Variants in DPEP2 observed in about 807,000 individuals in gnomAD.
DPEP2 encodes the protein dipeptidase 2.
In DPEP2, 45 loss-of-function variants were observed where a neutral mutation model predicts 51.8. The ratio of observed to expected loss-of-function variants is 0.87; its 90% CI spans 0.68 to 1.11. The LOEUF (loss-of-function observed/expected upper bound fraction) is 1.11. Ranked by LOEUF, DPEP2 falls within the 50% of genes most tolerant of loss-of-function variation. The probability of loss-of-function intolerance (pLI) is 0.00; values close to 1 mark genes in which losing one functional copy is unlikely to be tolerated. For synonymous variants in DPEP2, 255 were observed against 262.7 expected, an observed-to-expected ratio of 0.97 and a Z score of 0.28; for missense variants, 604 against 631.9, an observed-to-expected ratio of 0.96 and a Z score of 0.47.
intron 1 of DPEP2, among the ~76,000 whole-genome samples, chr16:67,996,358 AT>A (rs2032695923): frequency 6.6e-6 from 1 of 151,046 alleles, no homozygotes; most frequent in Non-Finnish European, 1.5e-5. Flanking sequence ...AACTTTTTGA[AT>A]TTTTTTTCTT....
intron 1 of DPEP2, chr16:67,994,040 AG>A: frequency 1.0e-6 from 1 of 985,624 alleles, no homozygotes; most frequent in South Asian, 4.7e-5. Context: ...ATGAGAGCGC[AG>A]CAAGCATCTG....
At chr16:67,990,792 T>C in intron 7 of DPEP2, 29 bp downstream of exon 7, 1 of 1,596,650 alleles carries the variant, frequency 6.3e-7, no homozygotes, top group Non-Finnish European at 8.6e-7. Flanking sequence ...ACCTCTTGCT[T>C]TAGGTTCCTG....
intron 1 of DPEP2, among the ~76,000 whole-genome samples, chr16:67,996,831 A>G (rs1326324335): frequency 6.6e-6 from 1 of 151,380 alleles, no homozygotes; most frequent in Non-Finnish European, 1.5e-5. Context: ...AGACAACACA[A>G]TTTTCCATGA....
Position 67,991,370 on chromosome 16 carries a change from C to CT in DPEP2, c.663-187dup, listed in dbSNP as rs918452974. Among the ~76,000 whole-genome samples, 2,523 of 137,394 alleles carry CT rather than the reference C, an allele frequency of 0.018. 71 individuals carry two copies. The highest frequency in any genetic ancestry group is 0.054 in the African/African-American group (2,030 of 37,404). The allele number at this position is 137,394 out of a possible 152,430, so 90.1% of individuals were successfully genotyped here. ...TGGGTCCAGTCTTTTTTTTCCTTTT[C>CT]TTTTTTTTTTTTTTTTGGCAATAGA... is the stretch of plus-strand genomic sequence containing the variant. On this transcript the variant is annotated intron_variant, in intron 5 of 10. Coordinates refer to ENST00000393847, the MANE Select transcript of DPEP2 (RefSeq NM_022355.4). This position sits in a 1 kb window ranked among gnomAD's most constrained non-coding sequence, Gnocchi z 5.1.
intron 1 of DPEP2, among the ~76,000 whole-genome samples, chr16:67,995,288 G>A (rs1324043379): frequency 6.6e-6 from 1 of 151,904 alleles, no homozygotes; most frequent in Non-Finnish European, 1.5e-5. Context: ...TTCAAGTGAT[G>A]ATCTCACCTT....
intron 8 of DPEP2, 124 bp from the exon 9 acceptor site, chr16:67,989,522 G>A (rs2031856496): frequency 5.2e-6 from 5 of 957,096 alleles, no homozygotes; most frequent in Non-Finnish European, 8.1e-6. Flanking sequence ...TTCCTTTATG[G>A]CCTGCCACAT....
At position 67,992,955 on chromosome 16, in the gene DPEP2, C is replaced by T. The variant is rs1383031211; in HGVS notation, c.258G>A (p.Val86=). Residue 86 remains valine, a synonymous_variant, in exon 2 of 11, where the codon GTG becomes GTA. Coordinates refer to ENST00000393847, the MANE Select transcript of DPEP2 (RefSeq NM_022355.4). ...ARALMRDFPL[V]DGHNDLPLVL... Reference sequence around the variant, plus strand: ...CCCTTGCAGCAATTACGCACCCGTCCACGAGCGGGAAGTCCCGCATCAGGG... The same window carrying T: ...CCCTTGCAGCAATTACGCACCCGTCTACGAGCGGGAAGTCCCGCATCAGGG... 1.2e-6 allele frequency: 2 copies of T among 1,610,784 alleles called. No individual in the cohort carries two copies. The highest frequency in any genetic ancestry group is 1.1e-5 in the South Asian group (1 of 90,766).
Position 67,988,393 on chromosome 16 carries a change from AAAAG to A in DPEP2, c.1071-410_1071-407del, listed in dbSNP as rs746468101. On this transcript the variant is annotated intron_variant, in intron 9 of 10. Coordinates refer to ENST00000393847, the MANE Select transcript of DPEP2 (RefSeq NM_022355.4). ...AACCCAATCTCTACTAAAAAGACAAAAAAGAAAGAAAGAAAGAAAGGAAAGAAAG... is the reference window on the plus strand; with the variant it reads ...AACCCAATCTCTACTAAAAAGACAAAAAAGAAAGAAAGAAAGGAAAGAAAG... Among the ~76,000 whole-genome samples, 169 of 150,120 alleles carry A rather than the reference AAAAG, an allele frequency of 1.1e-3. 1 individual carries two copies. Among genetic ancestry groups the A allele is most frequent in the Admixed American group, 2.4e-3 (36 of 15,152 alleles).
intron 1 of DPEP2, chr16:67,993,480 G>C: frequency 8.1e-7 from 1 of 1,230,578 alleles, no homozygotes; most frequent in Non-Finnish European, 1.0e-6. Flanking sequence ...CCCTGTCCTG[G>C]GCGCCCACTC....
In DPEP2 at chr16:67,993,196, A is replaced by T. The variant is rs2032410020; in HGVS notation, c.17T>A (p.Leu6His). MQPSG[L>H]EGPGTFGRWP... ...CCGACCAAACGTGCCGGGACCCTCGAGGCCGGAGGGCTGCATGTTGTGCAG... is the reference window on the plus strand; with the variant it reads ...CCGACCAAACGTGCCGGGACCCTCGTGGCCGGAGGGCTGCATGTTGTGCAG... The change falls in exon 2 of 11, where the codon CTC (leucine) becomes CAC (histidine). Residue 6 changes from leucine to histidine, a missense_variant. Physicochemically the swap from Leu to His is moderately conservative, Grantham distance 99. Transcript: ENST00000393847. 1 of 1,474,440 alleles carries T rather than the reference A, an allele frequency of 6.8e-7. No individual in the cohort carries two copies. Among genetic ancestry groups the T allele is most frequent in the East Asian group, 2.5e-5 (1 of 40,284 alleles). 91.3% of individuals were successfully genotyped at this position (1,474,440 alleles called of 1,614,324 possible). A position where few individuals can be genotyped will look rare whatever the true frequency, so the allele number is the denominator to read the frequency against.
chr16:67,993,557 G>C (rs933272721), intron 1 of DPEP2: 22 of 1,054,350 alleles, frequency 2.1e-5, no homozygotes, highest in Non-Finnish European at 1.9e-5. Context: ...GGCCGACCCA[G>C]GTGGCTCCTC....
intron 7 of DPEP2, among the ~76,000 whole-genome samples, chr16:67,990,525 G>C (rs187896072): frequency 6.6e-6 from 1 of 152,050 alleles, no homozygotes; most frequent in Non-Finnish European, 1.5e-5. Flanking sequence ...GTGCTGTGGC[G>C]TGATCTTGGC....
Position 67,992,598 on chromosome 16 carries a change from T to C in DPEP2, c.302A>G (p.Gln101Arg). Residue 101 changes from glutamine to arginine, a missense_variant, in exon 3 of 11, where the codon CAG becomes CGG. By Grantham distance (43) the Gln-to-Arg change is conservative. Coordinates refer to ENST00000393847, the MANE Select transcript of DPEP2 (RefSeq NM_022355.4). ...CAGGTTAACATCCTGTAGCCCTTTC[T>C]GGTAAACCTGCCTTAGGACCAGGGG... The part of the protein sequence containing the change: ...DLPLVLRQVY[Q>R]KGLQDVNLRN... 6.2e-7 allele frequency: 1 copy of C among 1,614,144 alleles called. No individual in the cohort carries two copies.
At chr16:67,990,205 T>A in intron 7 of DPEP2, 74 bp from the exon 8 acceptor site, 1 of 1,434,550 alleles carries the variant, frequency 7.0e-7, no homozygotes, top group African/African-American at 1.4e-5. Context: ...ACCCTCTGGA[T>A]CCCTGGAGAG....
chr16:67,999,074 T>C lies in DPEP2; in HGVS notation c.-46+301A>G, dbSNP rs558365048. Among the ~76,000 whole-genome samples, 4 of 152,298 alleles carry C rather than the reference T, an allele frequency of 2.6e-5. No homozygotes were observed. The East Asian group carries it at 7.7e-4, about 29-fold the overall frequency. On this transcript the variant is annotated intron_variant, in intron 1 of 10. Coordinates refer to ENST00000393847, the MANE Select transcript of DPEP2 (RefSeq NM_022355.4). ...TACCTGTTCTGGTCCCCTTCCACAC[T>C]GTGGAAGCTTTGTTCTTTTGCTCTT...
chr16:67,993,457 C>T (rs539755209), intron 1 of DPEP2, 200 bp from the exon 2 acceptor site: 3 of 1,247,632 alleles, frequency 2.4e-6, no homozygotes, highest in Admixed American at 3.9e-5. Context: ...GCGCTCCCGC[C>T]GGCTGGGCGG....
upstream of DPEP2, among the ~76,000 whole-genome samples, chr16:67,999,960 GC>G (rs1036245391): frequency 6.6e-6 from 1 of 152,128 alleles, no homozygotes; most frequent in African/African-American, 2.4e-5. Context: ...TTCTTCCGTG[GC>G]TTCTCATTGC....
rs76898487 is a variant in DPEP2, at chr16:67,992,583, T to G, written c.317A>C (p.Asp106Ala). The G allele has an allele frequency of 3.9e-3, 6,259 of 1,614,130 alleles. 232 individuals are homozygous for G. In the Admixed American group the frequency reaches 0.067, roughly 17 times the overall value. The change falls in exon 3 of 11, where the codon GAT becomes GCT. Residue 106 changes from aspartate (D) to alanine (A), a missense_variant. Asp to Ala is a moderately radical substitution (Grantham distance 126). Coordinates refer to ENST00000393847, the MANE Select transcript of DPEP2 (RefSeq NM_022355.4). The part of the protein sequence containing the change: ...LRQVYQKGLQ[D>A]VNLRNFSYGQ... ...GTAGCTGAAATTGCGCAGGTTAACA[T>G]CCTGTAGCCCTTTCTGGTAAACCTG... is the stretch of plus-strand genomic sequence containing the variant.
intron 9 of DPEP2, among the ~76,000 whole-genome samples, chr16:67,988,851 G>T (rs1567441769): frequency 6.6e-6 from 1 of 152,138 alleles, no homozygotes; most frequent in South Asian, 2.1e-4. Context: ...AGTCAAGGCT[G>T]CAGTGAGCCA....
Sources: allele counts gnomAD v4.1 joint callset (sites outside exome capture counted in the v4.1 genomes callset), GRCh38; gene constraint gnomAD v4.1.1; non-coding constraint Gnocchi (gnomAD v3.1); transcripts MANE v1.5; gene names NCBI Gene and HGNC (gene_info 2026-07-23, HGNC 2026-07-21).